Variants in ACSS3 observed in about 807,000 individuals in gnomAD.
The protein encoded by ACSS3 is acyl-CoA synthetase short-chain family member 3, mitochondrial.
ACSS3 carries 64 observed loss-of-function variants against 84.2 expected under a neutral mutation model. The ratio of observed to expected loss-of-function variants is 0.76; its 90% CI spans 0.62 to 0.94. The LOEUF is 0.94. ACSS3 is among the 40% of genes least tolerant of loss of function. The pLI is 0.00. For synonymous variants in ACSS3, 317 were observed against 310.1 expected, an observed-to-expected ratio of 1.02 and a Z score of -0.23; for missense variants, 815 against 867.6, an observed-to-expected ratio of 0.94 and a Z score of 0.76.
chr12:81,135,469 T>TACAC (rs139996036), intron 3 of ACSS3, among the ~76,000 whole-genome samples: 5 of 146,056 alleles, frequency 3.4e-5, no homozygotes, highest in African/African-American at 7.5e-5. Context: ...ATAAAATATA[T>TACAC]ACACACACAC....
rs148336877 is a variant in ACSS3, at chr12:81,224,973, T to C, written c.1514+4897T>C. 4.9e-3 allele frequency among the ~76,000 whole-genome samples: 750 copies of C among 152,062 alleles called. 6 individuals carry two copies. Among genetic ancestry groups the C allele is most frequent in the African/African-American group, 0.017 (696 of 41,514 alleles). Reference sequence around the variant, plus strand: ...GATGCTGGCATATTGTTCTAAGTGTTCTATTTTGTTATTAGTTGTTGCTGT... The same window carrying C: ...GATGCTGGCATATTGTTCTAAGTGTCCTATTTTGTTATTAGTTGTTGCTGT... On this transcript the variant is annotated intron_variant, in intron 11 of 15. Coordinates refer to ENST00000548058, the MANE Select transcript of ACSS3 (RefSeq NM_024560.4).
In ACSS3 at chr12:81,253,420, T is replaced by C; in HGVS notation, c.1819+14T>C. ...TATTGAGAAAAGGTGAGAGATCTTT[T>C]TCTCCCTGATTGCTTGGGACCTGAA... On this transcript the variant is annotated intron_variant, in intron 14 of 15. Coordinates refer to ENST00000548058, the MANE Select transcript of ACSS3 (RefSeq NM_024560.4). 1 of 1,613,768 alleles carries C rather than the reference T, an allele frequency of 6.2e-7. No homozygotes were observed. The highest frequency in any genetic ancestry group is 1.1e-5 in the South Asian group (1 of 91,066).
At chr12:81,098,736 G>A (rs188229479) in intron 1 of ACSS3, among the ~76,000 whole-genome samples, 4 of 152,258 alleles carry the variant, frequency 2.6e-5, no homozygotes, top group East Asian at 1.9e-4. Context: ...GCTAAGATTC[G>A]AACTCTAGTC....
intron 7 of ACSS3, among the ~76,000 whole-genome samples, chr12:81,170,630 T>C (rs1039426563): frequency 6.6e-6 from 1 of 152,086 alleles, no homozygotes; most frequent in East Asian, 1.9e-4. Context: ...TTAAAGTTGG[T>C]ATTTTTGGCT....
At chr12:81,172,897 G>C (rs1341507933) in intron 7 of ACSS3, among the ~76,000 whole-genome samples, 1 of 151,980 alleles carries the variant, frequency 6.6e-6, no homozygotes, top group Non-Finnish European at 1.5e-5. Flanking sequence ...ATTTCAGTTG[G>C]CTATAAAATA....
rs947314468 is a variant in ACSS3, at chr12:81,142,519, A to G, written c.781-588A>G. Among the ~76,000 whole-genome samples, 4 of 152,334 alleles carry G rather than the reference A, an allele frequency of 2.6e-5. No individual in the cohort carries two copies. In the Middle Eastern group the frequency reaches 0.01, roughly 391 times the overall value. ...GAGGAAAACTTGGATTGTATTTTAG[A>G]TATATCACAGACTCTGACTAAATTT... On this transcript the variant is annotated intron_variant, in intron 4 of 15. Coordinates refer to ENST00000548058, the MANE Select transcript of ACSS3 (RefSeq NM_024560.4).
intron 13 of ACSS3, among the ~76,000 whole-genome samples, chr12:81,235,736 A>G (rs1322097797): frequency 2.6e-5 from 4 of 151,420 alleles, no homozygotes; most frequent in African/African-American, 4.8e-5. Flanking sequence ...TTTTTTAGCT[A>G]TTATACATTT....
At chr12:81,194,793 A>G (rs1323705257) in intron 8 of ACSS3, among the ~76,000 whole-genome samples, 1 of 151,994 alleles carries the variant, frequency 6.6e-6, no homozygotes, top group East Asian at 1.9e-4. Context: ...ATGCTAATGC[A>G]TGGTTTATTA....
At chr12:81,115,107 A>G (rs1298788942) in intron 2 of ACSS3, among the ~76,000 whole-genome samples, 1 of 152,076 alleles carries the variant, frequency 6.6e-6, no homozygotes, top group Non-Finnish European at 1.5e-5. Context: ...TCTGGTTGGG[A>G]CTATTACAAA....
At chr12:81,167,678 C>T (rs1323753442) in intron 7 of ACSS3, among the ~76,000 whole-genome samples, 1 of 152,154 alleles carries the variant, frequency 6.6e-6, no homozygotes, top group Non-Finnish European at 1.5e-5. Flanking sequence ...AAGCAGAGCC[C>T]TCCTAACCTA....
At chr12:81,132,275 G>A (rs1029143134) in intron 2 of ACSS3, among the ~76,000 whole-genome samples, 9 of 152,004 alleles carry the variant, frequency 5.9e-5, no homozygotes, top group African/African-American at 2.2e-4. Context: ...TTTTTGGTTG[G>A]TAGGCTATTA....
chr12:81,205,308 A>G (rs761298078), intron 9 of ACSS3, among the ~76,000 whole-genome samples: 4 of 152,218 alleles, frequency 2.6e-5, no homozygotes, highest in South Asian at 2.1e-4. Flanking sequence ...TTATTTTTGC[A>G]TAGCTTGGCA....
chr12:81,111,823 A>T (rs1208085890), intron 2 of ACSS3, among the ~76,000 whole-genome samples: 1 of 152,194 alleles, frequency 6.6e-6, no homozygotes, highest in African/African-American at 2.4e-5. Flanking sequence ...TTGATTTAAT[A>T]GTAGGAACTG....
chr12:81,182,567 T>A (rs557711250), intron 8 of ACSS3, among the ~76,000 whole-genome samples: 2 of 152,116 alleles, frequency 1.3e-5, no homozygotes, highest in African/African-American at 4.8e-5. Context: ...AAGCACACAA[T>A]GTAAAAAGAT....
At chr12:81,180,164 G>C (rs999180334) in intron 8 of ACSS3, among the ~76,000 whole-genome samples, 6 of 152,216 alleles carry the variant, frequency 3.9e-5, no homozygotes, top group South Asian at 4.1e-4. Context: ...ACTCTTCTAA[G>C]TGTGAGCTAA....
At chr12:81,230,959 A>G (rs886152540) in intron 11 of ACSS3, 98 bp from the exon 12 acceptor site, 2 of 924,336 alleles carry the variant, frequency 2.2e-6, no homozygotes, top group African/African-American at 1.7e-5. Flanking sequence ...TAGGATTTGA[A>G]TTGTAATTAT....
chr12:81,126,876 T>C (rs1057319827), intron 2 of ACSS3, among the ~76,000 whole-genome samples: 3 of 152,028 alleles, frequency 2.0e-5, no homozygotes, highest in African/African-American at 7.2e-5. Context: ...ACTCTTTCAT[T>C]TGAAGAAAAT....
chr12:81,246,026 T>A (rs960368581), intron 13 of ACSS3, among the ~76,000 whole-genome samples: 2 of 152,064 alleles, frequency 1.3e-5, no homozygotes, highest in Non-Finnish European at 2.9e-5. Flanking sequence ...AGGGGTCTTG[T>A]CTCTTTGCTG....
At chr12:81,094,188 G>C (rs1425277672) in intron 1 of ACSS3, among the ~76,000 whole-genome samples, 1 of 150,528 alleles carries the variant, frequency 6.6e-6, no homozygotes, top group African/African-American at 2.4e-5. Flanking sequence ...CTCTCTCTGT[G>C]TGTGTGTGTG....
Sources: gnomAD v4.1 joint callset for allele counts (sites outside exome capture counted in the v4.1 genomes callset) on GRCh38, gnomAD v4.1.1 for gene constraint, MANE v1.5 for transcripts, NCBI Gene and HGNC (gene_info 2026-07-23, HGNC 2026-07-21) for gene names.